Variants in B3GALT1 observed in about 807,000 individuals in gnomAD.
B3GALT1 encodes UDP-Gal:betaGlcNAc beta 1,3-galactosyltransferase, polypeptide 1.
B3GALT1 carries 10 observed loss-of-function variants against 23.2 expected under a neutral mutation model. The observed-to-expected ratio is 0.43, with a 90% CI of 0.27 to 0.73. B3GALT1 has a LOEUF of 0.73. Ranked by LOEUF, B3GALT1 falls within the 30% of genes least tolerant of loss-of-function variation. The pLI is 0.21. For missense variants in B3GALT1, 299 were observed against 405.4 expected, an observed-to-expected ratio of 0.74 and a Z score of 2.25; for synonymous variants, 156 against 141.5, an observed-to-expected ratio of 1.10 and a Z score of -0.73.
At chr2:167,578,224 C>G (rs1243354106) in intron 2 of B3GALT1, among the ~76,000 whole-genome samples, 1 of 151,922 alleles carries the variant, frequency 6.6e-6, no homozygotes, top group South Asian at 2.1e-4. Flanking sequence ...GCCTAGCTCT[C>G]TAGCAAGAGG....
intron 3 of B3GALT1, among the ~76,000 whole-genome samples, chr2:167,731,436 A>G (rs10180263): frequency 0.21 from 31,627 of 152,144 alleles, 3,791 homozygotes; most frequent in East Asian, 0.39. Flanking sequence ...CAGCGCCCAA[A>G]GCTAACCAGG....
chr2:167,647,103 T>C (rs1371620145), intron 3 of B3GALT1, among the ~76,000 whole-genome samples, 137 bp downstream of exon 3: 1 of 152,174 alleles, frequency 6.6e-6, no homozygotes, highest in Non-Finnish European at 1.5e-5. Context: ...AAAGCCAGCT[T>C]AAAAATTAGA....
intron 1 of B3GALT1, among the ~76,000 whole-genome samples, chr2:167,399,697 A>C (rs1285898909): frequency 6.6e-6 from 1 of 151,118 alleles, no homozygotes; most frequent in Non-Finnish European, 1.5e-5. Flanking sequence ...TCTCTCCTAC[A>C]CTCCTTTATC....
At chr2:167,494,257 T>C (rs1433779157) in intron 2 of B3GALT1, among the ~76,000 whole-genome samples, 1 of 151,690 alleles carries the variant, frequency 6.6e-6, no homozygotes, top group Non-Finnish European at 1.5e-5. Context: ...ATAGATCAAA[T>C]GCAATACAGT....
intron 3 of B3GALT1, among the ~76,000 whole-genome samples, chr2:167,758,814 G>C (rs567522258): frequency 6.6e-6 from 1 of 152,230 alleles, no homozygotes; most frequent in South Asian, 2.1e-4. Flanking sequence ...GTCTACAGAT[G>C]GTCAGGCTCA....
chr2:167,454,002 T>C (rs554265065), intron 1 of B3GALT1, among the ~76,000 whole-genome samples: 2 of 152,352 alleles, frequency 1.3e-5, no homozygotes, highest in South Asian at 4.1e-4. Context: ...TACAGTTCTA[T>C]TTATCCACAT....
At chr2:167,447,506 C>T (rs1042169748) in intron 1 of B3GALT1, among the ~76,000 whole-genome samples, 19 of 152,138 alleles carry the variant, frequency 1.2e-4, no homozygotes, top group Admixed American at 2.0e-4. Flanking sequence ...GTGGTGGGCT[C>T]CACCCAGTTC....
At chr2:167,845,237 C>A (rs574878419) in intron 4 of B3GALT1, among the ~76,000 whole-genome samples, 13 of 152,170 alleles carry the variant, frequency 8.5e-5, no homozygotes, top group Non-Finnish European at 1.5e-4. Context: ...CTCCATACTA[C>A]CACAGCTGGT....
intron 2 of B3GALT1, among the ~76,000 whole-genome samples, chr2:167,599,130 C>A (rs1684830905): frequency 6.6e-6 from 1 of 152,192 alleles, no homozygotes; most frequent in African/African-American, 2.4e-5. Flanking sequence ...GGTTCACAAT[C>A]CTCACTGCTA....
At chr2:167,573,236 A>G (rs745692251) in intron 2 of B3GALT1, among the ~76,000 whole-genome samples, 4 of 151,848 alleles carry the variant, frequency 2.6e-5, no homozygotes, top group Non-Finnish European at 5.9e-5. Flanking sequence ...TACAATATTT[A>G]TATTTTACAG....
intron 1 of B3GALT1, among the ~76,000 whole-genome samples, chr2:167,395,840 G>C (rs888696700): frequency 6.6e-6 from 1 of 152,092 alleles, no homozygotes; most frequent in Non-Finnish European, 1.5e-5. Context: ...GGGAGTTGGA[G>C]ATGAAGTAAA....
chr2:167,788,179 G>C (rs963649275), intron 3 of B3GALT1, among the ~76,000 whole-genome samples: 25 of 150,234 alleles, frequency 1.7e-4, no homozygotes, highest in African/African-American at 6.1e-4. Flanking sequence ...AATTAGATGA[G>C]AGATTGGAGT....
intron 4 of B3GALT1, among the ~76,000 whole-genome samples, chr2:167,863,119 G>A (rs1181075669): frequency 6.6e-6 from 1 of 151,822 alleles, no homozygotes; most frequent in Non-Finnish European, 1.5e-5. Context: ...TTTTAATCTT[G>A]TAAAACTGAA....
intron 2 of B3GALT1, among the ~76,000 whole-genome samples, chr2:167,603,464 T>C (rs574113680): frequency 6.6e-6 from 1 of 152,322 alleles, no homozygotes; most frequent in South Asian, 2.1e-4. Context: ...CATCATGGGA[T>C]TGTTGTGAGA....
At chr2:167,538,282 G>T (rs1043310686) in intron 2 of B3GALT1, among the ~76,000 whole-genome samples, 2 of 152,036 alleles carry the variant, frequency 1.3e-5, no homozygotes, top group Non-Finnish European at 2.9e-5. Context: ...AAACAAACTT[G>T]GTTTAGCTGA....
chr2:167,389,847 G>A (rs1697988630), intron 1 of B3GALT1, among the ~76,000 whole-genome samples: 1 of 150,050 alleles, frequency 6.7e-6, no homozygotes. Context: ...GAAGATGGAG[G>A]CTGCATGGAG....
At chr2:167,778,811 A>AAAAT (rs967961502) in intron 3 of B3GALT1, among the ~76,000 whole-genome samples, 4 of 152,248 alleles carry the variant, frequency 2.6e-5, no homozygotes, top group Admixed American at 1.3e-4. Context: ...GGGAATTGAT[A>AAAAT]AAATATTAAA....
chr2:167,579,242 C>G (rs1038497590), intron 2 of B3GALT1, among the ~76,000 whole-genome samples: 1 of 151,954 alleles, frequency 6.6e-6, no homozygotes, highest in Non-Finnish European at 1.5e-5. Context: ...TTTCAGTACC[C>G]TCTTTTCAAT....
intron 1 of B3GALT1, among the ~76,000 whole-genome samples, chr2:167,391,024 G>T (rs1262405006): frequency 6.6e-6 from 1 of 152,128 alleles, no homozygotes; most frequent in South Asian, 2.1e-4. Flanking sequence ...TATGAAACTT[G>T]CTTTAAGATT....
Sources: allele counts gnomAD v4.1 joint callset (sites outside exome capture counted in the v4.1 genomes callset), GRCh38; gene constraint gnomAD v4.1.1; transcripts MANE v1.5; gene names NCBI Gene and HGNC (gene_info 2026-07-23, HGNC 2026-07-21).